The following DGKB variants were observed in gnomAD, a reference collection of about 807,000 sequenced individuals.
DGKB encodes diacylglycerol kinase beta, also known as 90 kDa diacylglycerol kinase.
A neutral mutation model predicts 114.3 loss-of-function variants in DGKB; 67 were observed. The observed-to-expected ratio is 0.59, with a 90% confidence interval of 0.48 to 0.72. The LOEUF is 0.72. DGKB is among the 30% of genes least tolerant of loss of function. The pLI is 0.00. For missense variants in DGKB, 907 were observed against 975.2 expected (o/e 0.93, Z 0.93); for synonymous variants, 398 against 323.1 (o/e 1.23, Z -2.49).
chr7:14,479,212 G>A (rs1278883988), intron 20 of DGKB, among the ~76,000 whole-genome samples: 3 of 152,024 alleles, frequency 2.0e-5, no homozygotes, highest in Non-Finnish European at 4.4e-5. Context: ...CAAACTCAAG[G>A]AAATAAAGAA....
intron 23 of DGKB, among the ~76,000 whole-genome samples, chr7:14,179,503 C>G (rs1050253452): frequency 6.6e-6 from 1 of 152,132 alleles, no homozygotes; most frequent in Non-Finnish European, 1.5e-5. Context: ...AGGTCGGACT[C>G]ATAGAAAAAC....
intron 20 of DGKB, among the ~76,000 whole-genome samples, chr7:14,485,993 G>A (rs893107003): frequency 3.3e-5 from 5 of 152,068 alleles, no homozygotes; most frequent in African/African-American, 9.7e-5. Flanking sequence ...GATATTAGGT[G>A]ATGGCAAAAT....
chr7:14,926,516 G>C (rs1182621082), intron 1 of DGKB, among the ~76,000 whole-genome samples: 1 of 149,916 alleles, frequency 6.7e-6, no homozygotes, highest in African/African-American at 2.4e-5. Flanking sequence ...TTTTTTAGTG[G>C]TAAGTGGGAG....
intron 21 of DGKB, among the ~76,000 whole-genome samples, chr7:14,355,198 T>G (rs1288426273): frequency 6.6e-6 from 1 of 152,078 alleles, no homozygotes; most frequent in Admixed American, 6.6e-5. Flanking sequence ...TATTTAGTGG[T>G]CTTTATTGAA....
Position 14,815,522 on chromosome 7 carries a change from T to C in DGKB, c.70+25672A>G, listed in dbSNP as rs182227932. 6.6e-5 allele frequency among the ~76,000 whole-genome samples: 10 copies of C among 152,322 alleles called. No individual in the cohort carries two copies. In the East Asian group the frequency reaches 1.7e-3, roughly 26 times the overall value. The stretch of plus-strand genomic sequence containing the variant: ...GCCCTCTCTTTTTGCAGCTATTCAT[T>C]CCACATGATTATTTTTTTCTCTTGC... On this transcript the variant is annotated intron_variant, in intron 2 of 25. Transcript: ENST00000402815.
chr7:14,695,624 C>A (rs562484291), intron 8 of DGKB, among the ~76,000 whole-genome samples: 1 of 150,980 alleles, frequency 6.6e-6, no homozygotes, highest in Non-Finnish European at 1.5e-5. Flanking sequence ...CTCAGCCTCC[C>A]GAGTAGCTGG....
chr7:14,541,685 G>A (rs909267190), intron 20 of DGKB, among the ~76,000 whole-genome samples: 4 of 152,148 alleles, frequency 2.6e-5, no homozygotes, highest in African/African-American at 9.7e-5. Context: ...CTATGCCATT[G>A]TACCTTCTAT....
chr7:14,570,923 C>T (rs144787456), intron 20 of DGKB, among the ~76,000 whole-genome samples: 46 of 152,194 alleles, frequency 3.0e-4, no homozygotes, highest in African/African-American at 1.0e-3. Context: ...TTTACAACCT[C>T]GACACTATTG....
intron 23 of DGKB, among the ~76,000 whole-genome samples, chr7:14,231,074 C>CT (rs201607883): frequency 1.4e-5 from 2 of 148,114 alleles, no homozygotes; most frequent in East Asian, 2.1e-4. Context: ...AAAATTCTTT[C>CT]TTCTTTCCCT....
chr7:14,641,051 C>T (rs551358025), intron 13 of DGKB, among the ~76,000 whole-genome samples: 3 of 152,262 alleles, frequency 2.0e-5, no homozygotes, highest in African/African-American at 7.2e-5. Flanking sequence ...CATAGAAGTT[C>T]ACATATTTGG....
chr7:14,368,490 A>G (rs746499298), intron 21 of DGKB, among the ~76,000 whole-genome samples: 2 of 152,098 alleles, frequency 1.3e-5, no homozygotes, highest in Non-Finnish European at 2.9e-5. Context: ...ATTAGCATTA[A>G]TCATCAGCTT....
chr7:14,243,934 A>T (rs6959580), intron 23 of DGKB, among the ~76,000 whole-genome samples: 80,367 of 151,960 alleles, frequency 0.53, 21,781 homozygotes, highest in African/African-American at 0.63. Context: ...TAACTTGAGT[A>T]AAATGAAGGA....
rs140134914 is a variant in DGKB, at chr7:14,603,671, C to T, written c.1433+3763G>A. 6.7e-3 allele frequency among the ~76,000 whole-genome samples: 1,020 copies of T among 151,978 alleles called. 15 individuals carry two copies. Among genetic ancestry groups the T allele is most frequent in the African/African-American group, 0.023 (953 of 41,494 alleles). Reference sequence around the variant, plus strand: ...GCATTATATTTTTAAAATTATGTGTCGTTTGCATTTAGTTCAGGTAGATGG... The same window carrying T: ...GCATTATATTTTTAAAATTATGTGTTGTTTGCATTTAGTTCAGGTAGATGG... On this transcript the variant is annotated intron_variant, in intron 17 of 25. Coordinates refer to ENST00000402815, the MANE Select transcript of DGKB (RefSeq NM_001350709.2).
chr7:14,228,488 A>G (rs143242527), intron 23 of DGKB, among the ~76,000 whole-genome samples: 1 of 152,116 alleles, frequency 6.6e-6, no homozygotes, highest in East Asian at 1.9e-4. Context: ...TAAATTTAAT[A>G]TGAGTAATCT....
At chr7:14,801,611 G>A (rs953934216) in intron 2 of DGKB, among the ~76,000 whole-genome samples, 7 of 151,946 alleles carry the variant, frequency 4.6e-5, no homozygotes, top group African/African-American at 1.7e-4. Context: ...GCCTGATTGA[G>A]CTGGGACATC....
intron 1 of DGKB, among the ~76,000 whole-genome samples, chr7:14,859,112 G>C (rs6972201): frequency 0.19 from 28,744 of 152,020 alleles, 2,840 homozygotes; most frequent in South Asian, 0.29. Flanking sequence ...GCAAAAGAGA[G>C]AACAGGAGAG....
intron 13 of DGKB, among the ~76,000 whole-genome samples, chr7:14,652,956 T>C (rs1410877753): frequency 6.6e-6 from 1 of 151,788 alleles, no homozygotes; most frequent in South Asian, 2.1e-4. Context: ...CATAATGAGA[T>C]ACCATCTCAC....
At chr7:14,231,105 T>C (rs1037370877) in intron 23 of DGKB, among the ~76,000 whole-genome samples, 4 of 121,918 alleles carry the variant, frequency 3.3e-5, no homozygotes, top group Non-Finnish European at 3.5e-5. Context: ...CTTTCTTTCT[T>C]TCTTTCTTTC....
chr7:14,874,951 G>A (rs1308394918), intron 1 of DGKB, among the ~76,000 whole-genome samples: 1 of 151,982 alleles, frequency 6.6e-6, no homozygotes, highest in Non-Finnish European at 1.5e-5. Flanking sequence ...GCGTAACGGG[G>A]AAGTAAAAAA....
Sources: gnomAD v4.1 joint callset for allele counts (sites outside exome capture counted in the v4.1 genomes callset) on GRCh38, gnomAD v4.1.1 for gene constraint, MANE v1.5 for transcripts, NCBI Gene and HGNC (gene_info 2026-07-23, HGNC 2026-07-21) for gene names.